RNF31: variants seen among roughly 807,000 people sequenced by gnomAD.
RNF31 encodes ring finger protein 31.
RNF31 carries 38 observed loss-of-function variants against 133.6 expected under a neutral mutation model. The ratio of observed to expected loss-of-function variants is 0.28; its 90% CI spans 0.22 to 0.37. RNF31 has a LOEUF of 0.37. Ranked by LOEUF, RNF31 falls within the 10% of genes least tolerant of loss-of-function variation. RNF31 has a pLI of 1.00. For synonymous variants in RNF31, 582 were observed against 552.3 expected, an observed-to-expected ratio of 1.05 and a Z score of -0.75; for missense variants, 1,118 against 1,394.1, an observed-to-expected ratio of 0.80 and a Z score of 3.15.
At chr14:24,154,638 C>T (rs1358209302) in intron 11 of RNF31, among the ~76,000 whole-genome samples, 5 of 152,174 alleles carry the variant, frequency 3.3e-5, no homozygotes, top group Admixed American at 1.3e-4. Context: ...TAAGACATTG[C>T]TCCAATGTTA....
intron 16 of RNF31, 39 bp from the exon 17 acceptor site, chr14:24,157,859 A>G (rs1346135516): frequency 6.4e-7 from 1 of 1,561,548 alleles, no homozygotes; most frequent in Non-Finnish European, 8.8e-7. Context: ...GGACCCCAAC[A>G]GTCTCCAACT....
chr14:24,158,112 A>G (rs2038374077), intron 17 of RNF31, 30 bp from the exon 18 acceptor site: 1 of 1,613,706 alleles, frequency 6.2e-7, no homozygotes, highest in East Asian at 2.2e-5. Context: ...ATCAAGGGGA[A>G]TGTAACACCC....
rs749786038 is a variant in RNF31, at chr14:24,147,782, G to C, written c.84G>C (p.Ala28=). The C allele has an allele frequency of 6.3e-7, 1 of 1,585,876 alleles. No homozygotes were observed. Among genetic ancestry groups the C allele is most frequent in the African/African-American group, 1.3e-5 (1 of 74,628 alleles). ...ASALRRDSGQ[A]FSLEQLRPLL... ...CCCTGAGGAGGGATTCCGGGCAGGC[G>C]TTTTCCCTGGAGCAGCTCCGGCCGC... The change falls in exon 1 of 21, where the codon GCG becomes GCC. Residue 28 remains alanine (A), a synonymous_variant. Transcript: ENST00000324103.
At chr14:24,158,234 T>A in intron 18 of RNF31, 35 bp downstream of exon 18, 1 of 1,601,740 alleles carries the variant, frequency 6.2e-7, no homozygotes, top group South Asian at 1.1e-5. Context: ...GAAGAGGAGA[T>A]GGTGTGCTGG....
chr14:24,157,791 C>T (rs2038367744), intron 16 of RNF31, 107 bp from the exon 17 acceptor site: 3 of 1,116,328 alleles, frequency 2.7e-6, no homozygotes, highest in African/African-American at 1.5e-5. Context: ...CTTGCTCCTC[C>T]AATGTCTCCA....
chr14:24,151,013 C>T lies in RNF31; in HGVS notation c.1489-118C>T. On this transcript the variant is annotated intron_variant, in intron 8 of 20. Coordinates refer to ENST00000324103, the MANE Select transcript of RNF31 (RefSeq NM_017999.5). This position sits in a 1 kb window ranked among gnomAD's most constrained non-coding sequence, Gnocchi z 5.3. Reference sequence around the variant, plus strand: ...CAGCTGCCTGTTACTGAGGCAGTTACCATTGCTGTACACTGATGACATGAT... The same window carrying T: ...CAGCTGCCTGTTACTGAGGCAGTTATCATTGCTGTACACTGATGACATGAT... 6.6e-7 allele frequency: 1 copy of T among 1,515,996 alleles called. No individual in the cohort carries two copies. Among genetic ancestry groups the T allele is most frequent in the Non-Finnish European group, 8.9e-7 (1 of 1,125,122 alleles). 93.9% of individuals were successfully genotyped at this position (1,515,996 alleles called of 1,614,324 possible).
Position 24,160,385 on chromosome 14 carries a change from C to CT in RNF31, c.3145dup (p.Tyr1049LeufsTer?). Reference sequence around the variant, plus strand: ...CCTTTGGCTGGAGAGGATCCCCCTGCTTACCAGGCCCGCTTGTTACAGGTA... The same window carrying CT: ...CCTTTGGCTGGAGAGGATCCCCCTGCTTTACCAGGCCCGCTTGTTACAGGTA... On this transcript the variant is annotated frameshift_variant, in exon 20 of 21. Transcript: ENST00000324103. LOFTEE classifies it high-confidence loss of function. This position sits in a 1 kb window ranked among gnomAD's most constrained non-coding sequence, Gnocchi z 4.0. The CT allele has an allele frequency of 1.2e-6, 2 of 1,614,170 alleles. No homozygotes were observed. The highest frequency in any genetic ancestry group is 1.7e-6 in the Non-Finnish European group (2 of 1,180,002).
At position 24,150,044 on chromosome 14, in the gene RNF31, C is replaced by A. The variant is rs369224759; in HGVS notation, c.810-17C>A. 1.7e-4 allele frequency: 267 copies of A among 1,540,314 alleles called. No homozygotes were observed. The highest frequency in any genetic ancestry group is 5.2e-4 in the Middle Eastern group (3 of 5,796). On this transcript the variant is annotated splice_polypyrimidine_tract_variant and intron_variant, in intron 6 of 20. Coordinates refer to ENST00000324103, the MANE Select transcript of RNF31 (RefSeq NM_017999.5). ...CAGGTGCCACTTCAGCAGGCCATGT[C>A]TGCTTTTCCATTACAGTTTACCTGC...
At chr14:24,152,641 G>A (rs7151467) in intron 11 of RNF31, among the ~76,000 whole-genome samples, 19,176 of 152,068 alleles carry the variant, frequency 0.13, 3,678 homozygotes, top group African/African-American at 0.42. Flanking sequence ...CTGGTCTCGA[G>A]CTCTTGACCT....
Position 24,155,107 on chromosome 14 carries a change from C to A in RNF31, c.2131-50C>A. ...ACCTGGCCACTGCCTCTTCCCTAGC[C>A]TGGCAGCTGTGGCTTCTGACCCCCT... On this transcript the variant is annotated intron_variant, in intron 11 of 20. Transcript: ENST00000324103. This position sits in a 1 kb window ranked among gnomAD's most constrained non-coding sequence, Gnocchi z 4.9. The A allele has an allele frequency of 6.3e-7, 1 of 1,580,390 alleles. No homozygotes were observed. Among genetic ancestry groups the A allele is most frequent in the Non-Finnish European group, 8.7e-7 (1 of 1,153,606 alleles).
At chr14:24,149,010 C>T (rs1042780855) in intron 5 of RNF31, 134 bp downstream of exon 5, 1 of 876,150 alleles carries the variant, frequency 1.1e-6, no homozygotes, top group Non-Finnish European at 1.9e-6. Flanking sequence ...GTTGCCCAGG[C>T]TGGAGTGCAA....
rs2139081887 is a variant in RNF31 at position 24,151,800 on chromosome 14, G to A, written c.1938G>A (p.Arg646=). The change falls in exon 11 of 21, where the codon CGG becomes CGA. Residue 646 remains arginine (R), a synonymous_variant. Coordinates refer to ENST00000324103, the MANE Select transcript of RNF31 (RefSeq NM_017999.5). The surrounding 1 kb of genome is among the most constrained non-coding windows in gnomAD (Gnocchi z 5.3). The part of the protein sequence containing the change: ...DGPDKQSLVR[R]LLAVYALPSW... ...TCATATTGCAGAGCCTGGTCAGGCG[G>A]CTTTTGGCAGTCTACGCACTCCCCA... 6.2e-7 allele frequency: 1 copy of A among 1,610,728 alleles called. No homozygotes were observed. The highest frequency in any genetic ancestry group is 8.5e-7 in the Non-Finnish European group (1 of 1,177,938).
Position 24,151,122 on chromosome 14 carries a change from G to A in RNF31, c.1489-9G>A, listed in dbSNP as rs751773205. On this transcript the variant is annotated splice_polypyrimidine_tract_variant and intron_variant, in intron 8 of 20. Transcript: ENST00000324103. The surrounding 1 kb of genome is among the most constrained non-coding windows in gnomAD (Gnocchi z 5.3). ...GGTGCCCCTCCTGATGGGCGGGACT[G>A]TGCCTTAGGAAGGGGAAGCCGCAGG... The A allele has an allele frequency of 3.0e-5, 49 of 1,613,040 alleles. No homozygotes were observed. Among genetic ancestry groups the A allele is most frequent in the Middle Eastern group, 3.4e-4 (2 of 5,902 alleles).
chr14:24,148,788 C>G lies in RNF31; in HGVS notation c.556-13C>G, dbSNP rs1566612413. On this transcript the variant is annotated splice_polypyrimidine_tract_variant and intron_variant, in intron 4 of 20. Coordinates refer to ENST00000324103, the MANE Select transcript of RNF31 (RefSeq NM_017999.5). ...CCTAAACCCTTATTCATTCCCTGCC[C>G]TTTCTTTTTCAGATGCTGCAGCTTT... The G allele has an allele frequency of 1.2e-6, 2 of 1,614,066 alleles. No homozygotes were observed. Among genetic ancestry groups the G allele is most frequent in the Non-Finnish European group, 8.5e-7 (1 of 1,180,010 alleles).
At position 24,151,110 on chromosome 14, in the gene RNF31, A is replaced by C; in HGVS notation, c.1489-21A>C. 6.2e-7 allele frequency: 1 copy of C among 1,610,922 alleles called. No homozygotes were observed. Among genetic ancestry groups the C allele is most frequent in the Non-Finnish European group, 8.5e-7 (1 of 1,177,870 alleles). On this transcript the variant is annotated intron_variant, in intron 8 of 20. Coordinates refer to ENST00000324103, the MANE Select transcript of RNF31 (RefSeq NM_017999.5). This position sits in a 1 kb window ranked among gnomAD's most constrained non-coding sequence, Gnocchi z 5.3. Reference sequence around the variant, plus strand: ...GGGTGGGTGAAGGGTGCCCCTCCTGATGGGCGGGACTGTGCCTTAGGAAGG... The same window carrying C: ...GGGTGGGTGAAGGGTGCCCCTCCTGCTGGGCGGGACTGTGCCTTAGGAAGG...
chr14:24,157,801 A>G, intron 16 of RNF31, 97 bp from the exon 17 acceptor site: 1 of 1,145,066 alleles, frequency 8.7e-7, no homozygotes, highest in African/African-American at 1.5e-5. Flanking sequence ...CAATGTCTCC[A>G]TCTCCCCTCA....
chr14:24,158,291 C>T (rs1006808986), intron 18 of RNF31, 92 bp downstream of exon 18: 35 of 1,224,706 alleles, frequency 2.9e-5, no homozygotes, highest in Non-Finnish European at 4.0e-5. Context: ...TCTGGGGTCA[C>T]TTGTTGCATG....
At chr14:24,159,218 G>A (rs1179905138) in intron 18 of RNF31, among the ~76,000 whole-genome samples, 2 of 151,204 alleles carry the variant, frequency 1.3e-5, no homozygotes, top group African/African-American at 4.9e-5. Flanking sequence ...GTGGTGGCAG[G>A]CACCTGTAAT....
At position 24,150,861 on chromosome 14, in the gene RNF31, A is replaced by C; in HGVS notation, c.1461A>C (p.Glu487Asp). The part of the protein sequence containing the change: ...EKQRQDKMRE[E>D]GLQLVSMIRE... ...AGCGCCAAGACAAGATGCGGGAAGA[A>C]GGCCTCCAGCTAGTGAGCATGATCC... Residue 487 changes from glutamate (E) to aspartate (D), a missense_variant, in exon 8 of 21, where the codon GAA (glutamate) becomes GAC (aspartate). Glu to Asp is a conservative substitution (Grantham distance 45). Around this residue, in one of 3 missense-constraint regions of RNF31, gnomAD observed 747 missense variants for 827.9 expected, o/e 0.90. Transcript: ENST00000324103. The C allele has an allele frequency of 6.4e-7, 1 of 1,564,682 alleles. No homozygotes were observed. The highest frequency in any genetic ancestry group is 8.7e-7 in the Non-Finnish European group (1 of 1,154,196).
Sources: gnomAD v4.1 joint callset for allele counts (sites outside exome capture counted in the v4.1 genomes callset) on GRCh38, gnomAD v4.1.1 for gene constraint, gnomAD v4.1.1 regional missense constraint, Gnocchi (gnomAD v3.1) non-coding constraint, MANE v1.5 for transcripts, NCBI Gene and HGNC (gene_info 2026-07-23, HGNC 2026-07-21) for gene names.